The following SCG5 variants were observed in gnomAD, a reference collection of about 807,000 sequenced individuals.
The protein encoded by SCG5 is secretogranin V.
Under a neutral mutation model 25.7 loss-of-function variants are expected in SCG5, and 18 were observed. The observed-to-expected ratio is 0.70, with a 90% CI of 0.48 to 1.04. SCG5 has a LOEUF of 1.04. Ranked by LOEUF, SCG5 falls within the 50% of genes least tolerant of loss-of-function variation. The pLI is 0.00. For missense variants in SCG5, 206 were observed against 259.8 expected, an observed-to-expected ratio of 0.79 and a Z score of 1.42; for synonymous variants, 101 against 91.7, an observed-to-expected ratio of 1.10 and a Z score of -0.58.
At chr15:32,668,994 C>T (rs2054370137) in intron 2 of SCG5, 1 of 152,212 alleles carries the variant, frequency 6.6e-6, no homozygotes, top group African/African-American at 2.4e-5. Flanking sequence ...TGCCCCTTTT[C>T]CTTACCTGGG....
At chr15:32,650,049 G>T (rs1340167421) in intron 2 of SCG5, among the ~76,000 whole-genome samples, 1 of 152,132 alleles carries the variant, frequency 6.6e-6, no homozygotes, top group Non-Finnish European at 1.5e-5. Context: ...TCACTTTGTG[G>T]ATTATCAACA....
intron 5 of SCG5, among the ~76,000 whole-genome samples, chr15:32,696,187 T>TTG (rs1258518904): frequency 6.6e-6 from 1 of 152,080 alleles, no homozygotes; most frequent in African/African-American, 2.4e-5. Context: ...GCATGACGTC[T>TTG]GCTCACTGCA....
At chr15:32,642,302 G>A (rs2053878178) in intron 1 of SCG5, among the ~76,000 whole-genome samples, 1 of 151,930 alleles carries the variant, frequency 6.6e-6, no homozygotes, top group Admixed American at 6.6e-5. Flanking sequence ...GGTGGCTCAC[G>A]CCTGTAATCC....
At chr15:32,652,198 TG>T (rs1051881037) in intron 2 of SCG5, among the ~76,000 whole-genome samples, 1 of 151,960 alleles carries the variant, frequency 6.6e-6, no homozygotes, top group Non-Finnish European at 1.5e-5. Context: ...AAGTGTTCAC[TG>T]GGGGTAGCAA....
chr15:32,644,951 T>G (rs981201191), intron 2 of SCG5, among the ~76,000 whole-genome samples: 1 of 152,230 alleles, frequency 6.6e-6, no homozygotes, highest in African/African-American at 2.4e-5. Flanking sequence ...CCCATAGTTT[T>G]AAGCCATTGA....
chr15:32,646,026 G>A (rs1048530053), intron 2 of SCG5, among the ~76,000 whole-genome samples: 1 of 152,052 alleles, frequency 6.6e-6, no homozygotes, highest in Non-Finnish European at 1.5e-5. Context: ...CACCGTGTTA[G>A]CCAGGATGGT....
chr15:32,672,580 G>C (rs528713057), intron 2 of SCG5, among the ~76,000 whole-genome samples: 6 of 152,258 alleles, frequency 3.9e-5, no homozygotes, highest in Admixed American at 1.3e-4. Context: ...GAGTGACCTG[G>C]AAACTATGAG....
intron 2 of SCG5, among the ~76,000 whole-genome samples, chr15:32,664,881 G>A (rs191327376): frequency 7.9e-5 from 12 of 152,338 alleles, no homozygotes; most frequent in African/African-American, 2.9e-4. Context: ...TAACTCAGGA[G>A]ATGAGGCACA....
At chr15:32,658,671 CT>C (rs931241695) in intron 2 of SCG5, among the ~76,000 whole-genome samples, 1 of 152,200 alleles carries the variant, frequency 6.6e-6, no homozygotes, top group Non-Finnish European at 1.5e-5. Context: ...ACAGAATGTT[CT>C]GTAACACTTC....
At chr15:32,667,628 TG>T (rs778179754) in intron 2 of SCG5, among the ~76,000 whole-genome samples, 1 of 152,202 alleles carries the variant, frequency 6.6e-6, no homozygotes, top group Non-Finnish European at 1.5e-5. Flanking sequence ...GGCACAAAGT[TG>T]ATAATAACTA....
chr15:32,654,916 AAT>A (rs2054090229), intron 2 of SCG5, among the ~76,000 whole-genome samples: 1 of 152,288 alleles, frequency 6.6e-6, no homozygotes, highest in African/African-American at 2.4e-5. Flanking sequence ...GCAACATGTA[AAT>A]ATATCTGGAG....
chr15:32,643,663 C>G lies in SCG5; in HGVS notation c.71C>G (p.Ala24Gly). 2 of 1,613,998 alleles carry G rather than the reference C, an allele frequency of 1.2e-6. No homozygotes were observed. Among genetic ancestry groups the G allele is most frequent in the Non-Finnish European group, 1.7e-6 (2 of 1,179,878 alleles). ...TGGCTGGCATCTGGATGGACTCCAGCATTTGCTTACAGCCCCCGGACCCCT... is the reference window on the plus strand; with the variant it reads ...TGGCTGGCATCTGGATGGACTCCAGGATTTGCTTACAGCCCCCGGACCCCT... ...LFWLASGWTP[A>G]FAYSPRTPDR... Residue 24 changes from alanine (A) to glycine (G), a missense_variant, in exon 2 of 6, where the codon GCA (alanine) becomes GGA (glycine). By Grantham distance (60) the Ala-to-Gly change is moderately conservative (BLOSUM62 0). Transcript: ENST00000300175.
At chr15:32,674,347 G>C (rs2054495190) in intron 2 of SCG5, among the ~76,000 whole-genome samples, 1 of 152,076 alleles carries the variant, frequency 6.6e-6, no homozygotes, top group Admixed American at 6.5e-5. Flanking sequence ...ACATTTTAGA[G>C]AGTCAAATTA....
At chr15:32,675,875 A>G (rs2054521970) in intron 2 of SCG5, among the ~76,000 whole-genome samples, 1 of 152,178 alleles carries the variant, frequency 6.6e-6, no homozygotes, top group African/African-American at 2.4e-5. Flanking sequence ...TTTTGATTAT[A>G]TATTATGTGC....
intron 2 of SCG5, among the ~76,000 whole-genome samples, chr15:32,652,558 G>C (rs1341828833): frequency 6.6e-6 from 1 of 152,150 alleles, no homozygotes; most frequent in East Asian, 1.9e-4. Context: ...TGGAGCACAG[G>C]TGTTGGCCTG....
intron 3 of SCG5, 26 bp from the exon 4 acceptor site, chr15:32,684,530 TC>T (rs1567086838): frequency 7.1e-7 from 1 of 1,415,184 alleles, no homozygotes; most frequent in Admixed American, 1.7e-5. Flanking sequence ...TCTTGGCCGT[TC>T]CTCAAAAACC....
At chr15:32,680,855 G>A (rs2054607872) in intron 3 of SCG5, among the ~76,000 whole-genome samples, 1 of 152,150 alleles carries the variant, frequency 6.6e-6, no homozygotes, top group Admixed American at 6.5e-5. Context: ...ACTTACATCC[G>A]GCTTTGAGCA....
At chr15:32,655,702 A>C (rs2054106211) in intron 2 of SCG5, among the ~76,000 whole-genome samples, 1 of 152,216 alleles carries the variant, frequency 6.6e-6, no homozygotes, top group South Asian at 2.1e-4. Flanking sequence ...AATGGGATCC[A>C]TGCCCTTATG....
intron 5 of SCG5, among the ~76,000 whole-genome samples, chr15:32,695,895 T>A (rs1406388): frequency 0.9 from 136,973 of 152,134 alleles, 62,850 homozygotes; most frequent in Non-Finnish European, 0.98. Context: ...TTTACTGCAC[T>A]TCTTTGCACC....
Sources: gnomAD v4.1 joint callset for allele counts (sites outside exome capture counted in the v4.1 genomes callset) on GRCh38, gnomAD v4.1.1 for gene constraint, MANE v1.5 for transcripts, NCBI Gene and HGNC (gene_info 2026-07-23, HGNC 2026-07-21) for gene names.